Variants in TSPEAR observed in about 807,000 individuals in gnomAD.
TSPEAR encodes thrombospondin type laminin G domain and EAR repeats.
A neutral mutation model predicts 71.6 loss-of-function variants in TSPEAR; 69 were observed. The ratio of observed to expected loss-of-function variants is 0.96; its 90% CI spans 0.79 to 1.18. The LOEUF (loss-of-function observed/expected upper bound fraction) is 1.18, where lower values mean the gene tolerates loss of function less well. Among genes scored for constraint, TSPEAR ranks in the 50% most tolerant of loss-of-function variants. The pLI is 0.00. For synonymous variants in TSPEAR, 402 were observed against 387.2 expected, an observed-to-expected ratio of 1.04 and a Z score of -0.45; for missense variants, 971 against 894.9, an observed-to-expected ratio of 1.09 and a Z score of -1.09.
chr21:44,542,348 G>A (rs1032529785), intron 2 of TSPEAR, among the ~76,000 whole-genome samples: 1 of 152,178 alleles, frequency 6.6e-6, no homozygotes, highest in Non-Finnish European at 1.5e-5. Context: ...TGGGAAAAAT[G>A]ATTGAAATCC....
chr21:44,499,855 C>T lies in TSPEAR; in HGVS notation c.1938G>A (p.Thr646=), dbSNP rs782691881. ...GCRDWEAFST[T]AGAYLIYSSA... is the part of the protein sequence containing the mutation. ...TGGAGTAGATGAGGTAGGCACCAGC[C>T]GTGGTGCTGAAGGCCTCCCAGTCCC... The change falls in exon 12 of 12, where the codon ACG becomes ACA. Residue 646 remains threonine (T), a synonymous_variant. Coordinates refer to ENST00000323084, the MANE Select transcript of TSPEAR (RefSeq NM_144991.3). 1.8e-5 allele frequency: 29 copies of T among 1,601,822 alleles called. No homozygotes were observed. The highest frequency in any genetic ancestry group is 1.5e-4 in the Admixed American group (9 of 58,870).
At position 44,506,946 on chromosome 21, in the gene TSPEAR, C is replaced by G. The variant is rs2052216899; in HGVS notation, c.1755-2065G>C. On this transcript the variant is annotated intron_variant, in intron 10 of 11. Coordinates refer to ENST00000323084, the MANE Select transcript of TSPEAR (RefSeq NM_144991.3). The surrounding 1 kb of genome is among the most constrained non-coding windows in gnomAD (Gnocchi z 4.2). Reference sequence around the variant, plus strand: ...GCCCTGGGTCACACTCGCTGTAGGACAGATGTTATTCTTCAGAATCACGCC... The same window carrying G: ...GCCCTGGGTCACACTCGCTGTAGGAGAGATGTTATTCTTCAGAATCACGCC... 6.6e-6 allele frequency: 1 copy of G among 152,264 alleles called. No individual in the cohort carries two copies. Among genetic ancestry groups the G allele is most frequent in the Non-Finnish European group, 1.5e-5 (1 of 68,064 alleles). The allele number at this position is 152,264 out of a possible 1,614,324, so 9.4% of individuals were successfully genotyped here.
At position 44,533,955 on chromosome 21, in the gene TSPEAR, C is replaced by CTGGGGG. The variant is rs782273308; in HGVS notation, c.304-38_304-33dup. ...AGAGCGGGCCAGGCTCAGGACGGGG[C>CTGGGGG]TGGGGGTAGGGGTCGGGTGCGGGGG... On this transcript the variant is annotated intron_variant, in intron 2 of 11. Transcript: ENST00000323084. The CTGGGGG allele has an allele frequency of 1.3e-5, 18 of 1,343,348 alleles. No individual in the cohort carries two copies. In the South Asian group the frequency reaches 2.0e-4, roughly 15 times the overall value. The allele number at this position is 1,343,348 out of a possible 1,614,324, so 83.2% of individuals were successfully genotyped here. A position where few individuals can be genotyped will look rare whatever the true frequency, so the allele number is the denominator to read the frequency against.
chr21:44,598,620 G>A (rs392451), intron 1 of TSPEAR, among the ~76,000 whole-genome samples: 18,496 of 152,128 alleles, frequency 0.12, 1,658 homozygotes, highest in African/African-American at 0.24. Flanking sequence ...CAGCACTTCC[G>A]CCGCTTCCAA....
At chr21:44,658,294 G>T in intron 1 of TSPEAR, 1 of 1,606,692 alleles carries the variant, frequency 6.2e-7, no homozygotes, top group South Asian at 1.1e-5. Flanking sequence ...GTACACGGGG[G>T]TACACACCTG....
At chr21:44,666,710 G>A (rs2146274891) in intron 1 of TSPEAR, 9 of 1,614,076 alleles carry the variant, frequency 5.6e-6, no homozygotes, top group East Asian at 2.2e-5. Context: ...AAGACTGGCA[G>A]CTCACGGGCA....
At chr21:44,635,948 CTT>C in intron 1 of TSPEAR, among the ~76,000 whole-genome samples, 1 of 152,262 alleles carries the variant, frequency 6.6e-6, no homozygotes, top group Middle Eastern at 3.4e-3. Context: ...ACCTGAGAAA[CTT>C]TAGTTATTAA....
chr21:44,514,609 T>C (rs587607435), intron 9 of TSPEAR, among the ~76,000 whole-genome samples: 1 of 152,300 alleles, frequency 6.6e-6, no homozygotes, highest in South Asian at 2.1e-4. Context: ...AAACCTATTT[T>C]GGAGTCCACA....
chr21:44,585,924 C>T (rs1031767273), intron 1 of TSPEAR, among the ~76,000 whole-genome samples: 1 of 152,242 alleles, frequency 6.6e-6, no homozygotes, highest in Admixed American at 6.5e-5. Context: ...AGGTTCTCTG[C>T]ATGTAGACAC....
chr21:44,653,791 G>C lies in TSPEAR; in HGVS notation c.82+57642C>G, dbSNP rs148707704. Among the ~76,000 whole-genome samples the C allele has an allele frequency of 2.8e-3, 427 of 152,306 alleles. 3 individuals are homozygous for C. Among genetic ancestry groups the C allele is most frequent in the African/African-American group, 9.3e-3 (386 of 41,560 alleles). ...AAGGAAGCCTGATGTGACTGGGGTT[G>C]GGGGTTCCCATCAGGCCAAGCTCAG... On this transcript the variant is annotated intron_variant, in intron 1 of 11. Transcript: ENST00000323084.
At chr21:44,680,397 A>G (rs1986524774) in intron 1 of TSPEAR, among the ~76,000 whole-genome samples, 1 of 152,228 alleles carries the variant, frequency 6.6e-6, no homozygotes, top group South Asian at 2.1e-4. Flanking sequence ...AAAATAACAG[A>G]TGCTGGTAAA....
At chr21:44,540,109 G>C in intron 2 of TSPEAR, 3 of 1,613,812 alleles carry the variant, frequency 1.9e-6, no homozygotes, top group Non-Finnish European at 2.5e-6. Flanking sequence ...GCCAGGAGTC[G>C]GAGCAAGCGC....
chr21:44,677,049 T>C, intron 1 of TSPEAR: 1 of 781,528 alleles, frequency 1.3e-6, no homozygotes, highest in Non-Finnish European at 2.3e-6. Context: ...CATCCTGAGC[T>C]TGGCCCACCA....
chr21:44,701,257 G>A (rs368750054), intron 1 of TSPEAR, among the ~76,000 whole-genome samples: 1 of 152,102 alleles, frequency 6.6e-6, no homozygotes, highest in East Asian at 1.9e-4. Context: ...TTCTCTCTGC[G>A]GGGAACATTC....
rs1555916017 is a variant in TSPEAR at position 44,533,794 on chromosome 21, C to G, written c.433G>C (p.Val145Leu). ...EDTAGAWQTRVSFRSPALVDG... is the reference protein window; with the variant it reads ...EDTAGAWQTRLSFRSPALVDG... ...ACCAGGGCCGGGCTGCGGAAGGACA[C>G]TCGGGTCTGCCAGGCGCCGGCCGTG... The change falls in exon 3 of 12, where the codon GTG (valine) becomes CTG (leucine). Residue 145 changes from valine to leucine, a missense_variant. Transcript: ENST00000323084. 6.2e-7 allele frequency: 1 copy of G among 1,612,532 alleles called. No individual in the cohort carries two copies. Among genetic ancestry groups the G allele is most frequent in the East Asian group, 2.2e-5 (1 of 44,842 alleles).
intron 1 of TSPEAR, among the ~76,000 whole-genome samples, chr21:44,599,784 T>C (rs1172664461): frequency 1.3e-5 from 2 of 152,250 alleles, no homozygotes; most frequent in Non-Finnish European, 2.9e-5. Context: ...ACCAAGGACT[T>C]AGCTGGCAAT....
intron 4 of TSPEAR, 147 bp downstream of exon 4, chr21:44,530,896 C>T: frequency 2.8e-6 from 2 of 708,112 alleles, no homozygotes; most frequent in Middle Eastern, 3.6e-4. Flanking sequence ...AGCGTGAAGG[C>T]CCTGTGGTAG....
chr21:44,543,671 T>C (rs2053257492), intron 2 of TSPEAR, among the ~76,000 whole-genome samples: 2 of 152,160 alleles, frequency 1.3e-5, no homozygotes, highest in Non-Finnish European at 2.9e-5. Context: ...GAAGATGATA[T>C]GACAACAGAG....
At chr21:44,700,889 G>A (rs1987616740) in intron 1 of TSPEAR, among the ~76,000 whole-genome samples, 1 of 152,256 alleles carries the variant, frequency 6.6e-6, no homozygotes, top group African/African-American at 2.4e-5. Flanking sequence ...ACCCCATCTT[G>A]CAGAAAAGGA....
Sources: gnomAD v4.1 joint callset for allele counts (sites outside exome capture counted in the v4.1 genomes callset) on GRCh38, gnomAD v4.1.1 for gene constraint, Gnocchi (gnomAD v3.1) non-coding constraint, MANE v1.5 for transcripts, NCBI Gene and HGNC (gene_info 2026-07-23, HGNC 2026-07-21) for gene names.